ATP8B4: variants seen among roughly 807,000 people sequenced by gnomAD.
The protein encoded by ATP8B4 is probable phospholipid-transporting ATPase IM.
ATP8B4 carries 133 observed loss-of-function variants against 145.6 expected under a neutral mutation model. The ratio of observed to expected loss-of-function variants is 0.91; its 90% CI spans 0.79 to 1.05. The LOEUF (loss-of-function observed/expected upper bound fraction) is 1.05, where lower values mean the gene tolerates loss of function less well. Among genes scored for constraint, ATP8B4 ranks in the 50% least tolerant of loss-of-function variants. The pLI is 0.00. For synonymous variants in ATP8B4, 507 were observed against 492.9 expected, an observed-to-expected ratio of 1.03 and a Z score of -0.38; for missense variants, 1,458 against 1,425.2, an observed-to-expected ratio of 1.02 and a Z score of -0.37.
chr15:50,158,043 T>A (rs951931532), intron 1 of ATP8B4, among the ~76,000 whole-genome samples: 1 of 152,232 alleles, frequency 6.6e-6, no homozygotes, highest in Non-Finnish European at 1.5e-5. Flanking sequence ...AGACGGAGTC[T>A]CGTTCACTCA....
chr15:50,074,172 T>C lies in ATP8B4; in HGVS notation c.42A>G (p.Ile14Met). The change falls in exon 3 of 28, where the codon ATA becomes ATG. Residue 14 changes from isoleucine (I) to methionine (M), a missense_variant. Ile to Met is a conservative substitution (Grantham distance 10, BLOSUM62 1). Coordinates refer to ENST00000284509, the MANE Select transcript of ATP8B4 (RefSeq NM_024837.4). ...SEKKLREVER[I>M]VKANDREYNE... is the part of the protein sequence containing the mutation. ...TATATTCACGGTCATTGGCTTTCACTATCCGTTCCACTTCTAAAGAGAGAG... is the reference window on the plus strand; with the variant it reads ...TATATTCACGGTCATTGGCTTTCACCATCCGTTCCACTTCTAAAGAGAGAG... The C allele has an allele frequency of 6.2e-7, 1 of 1,612,666 alleles. No individual in the cohort carries two copies. The highest frequency in any genetic ancestry group is 1.1e-5 in the South Asian group (1 of 90,994).
chr15:49,874,967 A>T (rs1485029256), intron 25 of ATP8B4, among the ~76,000 whole-genome samples: 1 of 152,198 alleles, frequency 6.6e-6, no homozygotes, highest in East Asian at 1.9e-4. Flanking sequence ...AAAACAAATT[A>T]TGGGCAAGCA....
intron 6 of ATP8B4, among the ~76,000 whole-genome samples, chr15:50,028,731 TTTTACTTTTGCACCAACCTA>T (rs2050194547): frequency 2.0e-5 from 3 of 152,204 alleles, no homozygotes; most frequent in Admixed American, 2.0e-4. Flanking sequence ...GTGGAATAAC[TTTTACTTTTGCACCAACCTA>T]ATAGCATTCT....
chr15:49,978,992 T>C (rs1236763889), intron 12 of ATP8B4, among the ~76,000 whole-genome samples: 1 of 152,134 alleles, frequency 6.6e-6, no homozygotes, highest in Non-Finnish European at 1.5e-5. Context: ...ACCTACTATA[T>C]TTTAACTCCT....
intron 14 of ATP8B4, among the ~76,000 whole-genome samples, chr15:49,955,663 G>C (rs188645695): frequency 1.2e-4 from 18 of 152,244 alleles, no homozygotes; most frequent in Admixed American, 7.8e-4. Context: ...AAATGTGATA[G>C]ATACATACAA....
intron 2 of ATP8B4, among the ~76,000 whole-genome samples, chr15:50,074,446 T>A (rs902457673): frequency 1.3e-5 from 2 of 152,204 alleles, no homozygotes; most frequent in African/African-American, 4.8e-5. Context: ...TTTCTATGTA[T>A]CTTCAGCACC....
rs570824381 is a variant in ATP8B4, at chr15:50,065,999, G to A, written c.87+8128C>T. Among the ~76,000 whole-genome samples the A allele has an allele frequency of 1.6e-4, 21 of 132,788 alleles. No individual in the cohort carries two copies. The South Asian group carries it at 5.1e-3, about 32-fold the overall frequency. The allele number at this position is 132,788 out of a possible 152,430, so 87.1% of individuals were successfully genotyped here. A position where few individuals can be genotyped will look rare whatever the true frequency, so the allele number is the denominator to read the frequency against. ...AACATTTAGGAATAGAAATTCAGAGGCCAGAAAAAAAAAAAAAAAGATTAA... is the reference window on the plus strand; with the variant it reads ...AACATTTAGGAATAGAAATTCAGAGACCAGAAAAAAAAAAAAAAAGATTAA... On this transcript the variant is annotated intron_variant, in intron 3 of 27. Transcript: ENST00000284509.
At chr15:50,150,105 A>G (rs533108114) in intron 1 of ATP8B4, among the ~76,000 whole-genome samples, 88 of 152,256 alleles carry the variant, frequency 5.8e-4, no homozygotes, top group African/African-American at 2.1e-3. Flanking sequence ...CGTCCCAAAA[A>G]AAAAAAAAAT....
rs1255677578 is a variant in ATP8B4, at chr15:49,946,674, C to A, written c.1288-12492G>T. On this transcript the variant is annotated intron_variant, in intron 14 of 27. Transcript: ENST00000284509. ...TTGCAACCCAGGGATGAAGGACTGCCCTCCTAACTTATTATACCCTCCTTG... is the reference window on the plus strand; with the variant it reads ...TTGCAACCCAGGGATGAAGGACTGCACTCCTAACTTATTATACCCTCCTTG... 5.3e-5 allele frequency among the ~76,000 whole-genome samples: 8 copies of A among 152,184 alleles called. No individual in the cohort carries two copies. In the South Asian group the frequency reaches 1.2e-3, roughly 24 times the overall value.
chr15:49,936,430 C>T (rs1397762385), intron 14 of ATP8B4, among the ~76,000 whole-genome samples: 1 of 152,124 alleles, frequency 6.6e-6, no homozygotes, highest in African/African-American at 2.4e-5. Context: ...CATGGTTTGA[C>T]ACAATATCGA....
intron 2 of ATP8B4, among the ~76,000 whole-genome samples, chr15:50,084,947 T>G (rs970466959): frequency 6.6e-6 from 1 of 152,176 alleles, no homozygotes; most frequent in Admixed American, 6.5e-5. Context: ...ATCCACAAAG[T>G]TCCTTTTGCC....
At chr15:49,949,131 G>C (rs1174261357) in intron 14 of ATP8B4, among the ~76,000 whole-genome samples, 2 of 152,192 alleles carry the variant, frequency 1.3e-5, no homozygotes, top group South Asian at 4.2e-4. Context: ...TTTTTGCTTA[G>C]GATTGTCTTG....
intron 6 of ATP8B4, among the ~76,000 whole-genome samples, chr15:50,016,703 G>A (rs116731841): frequency 0.025 from 3,757 of 152,234 alleles, 163 homozygotes; most frequent in African/African-American, 0.086. Context: ...GAAAGGAGGA[G>A]TGTCCTTAAG....
At chr15:50,074,873 A>G (rs1044309831) in intron 2 of ATP8B4, among the ~76,000 whole-genome samples, 28 of 152,208 alleles carry the variant, frequency 1.8e-4, no homozygotes, top group African/African-American at 6.3e-4. Flanking sequence ...CCGGCAGAAC[A>G]AGTTTAGTAG....
chr15:49,952,632 G>T (rs1797737674), intron 14 of ATP8B4, among the ~76,000 whole-genome samples: 2 of 151,952 alleles, frequency 1.3e-5, no homozygotes. Context: ...CTTTGCATTG[G>T]GTTAGAACAC....
chr15:50,020,588 G>A (rs2049473432), intron 6 of ATP8B4, among the ~76,000 whole-genome samples: 1 of 152,090 alleles, frequency 6.6e-6, no homozygotes, highest in South Asian at 2.1e-4. Flanking sequence ...CTAAGCTTCA[G>A]TAATGCATTC....
At chr15:50,157,415 T>C (rs1223159626) in intron 1 of ATP8B4, among the ~76,000 whole-genome samples, 2 of 152,230 alleles carry the variant, frequency 1.3e-5, no homozygotes, top group African/African-American at 2.4e-5. Flanking sequence ...CTAAGAATCA[T>C]CCATTCTTTA....
In ATP8B4 at chr15:49,923,508, A is replaced by C; in HGVS notation, c.1643-14T>G. On this transcript the variant is annotated splice_polypyrimidine_tract_variant and intron_variant, in intron 16 of 27. Transcript: ENST00000284509. ...CTGGGTTTCGAACTGAAAAGAAAAA[A>C]GTTTGGAAAAGCAGAATATAATCAA... 1 of 1,541,748 alleles carries C rather than the reference A, an allele frequency of 6.5e-7. No homozygotes were observed. Among genetic ancestry groups the C allele is most frequent in the Non-Finnish European group, 8.9e-7 (1 of 1,128,184 alleles).
intron 17 of ATP8B4, among the ~76,000 whole-genome samples, chr15:49,921,753 C>A (rs561727571): frequency 6.6e-6 from 1 of 152,146 alleles, no homozygotes; most frequent in East Asian, 1.9e-4. Context: ...AGATGGTTTA[C>A]CCCAGACAGA....
Sources: allele counts gnomAD v4.1 joint callset (sites outside exome capture counted in the v4.1 genomes callset), GRCh38; gene constraint gnomAD v4.1.1; transcripts MANE v1.5; gene names NCBI Gene and HGNC (gene_info 2026-07-23, HGNC 2026-07-21).